PDE7B: variants seen among roughly 807,000 people sequenced by gnomAD.
The protein encoded by PDE7B is 3',5'-cyclic-AMP phosphodiesterase 7B.
A neutral mutation model predicts 56.2 loss-of-function variants in PDE7B; 29 were observed. That is an observed-to-expected ratio of 0.52 (90% CI 0.38 to 0.70). PDE7B has a LOEUF of 0.70. PDE7B is among the 30% of genes least tolerant of loss of function. The pLI is 0.00. For missense variants in PDE7B, 490 were observed against 565.0 expected (o/e 0.87, Z 1.35); for synonymous variants, 197 against 196.9 (o/e 1.00, Z 0.00).
Position 136,154,085 on chromosome 6 carries a change from A to G in PDE7B, c.489A>G (p.Gln163=). 4 of 1,613,080 alleles carry G rather than the reference A, an allele frequency of 2.5e-6. No individual in the cohort carries two copies. The highest frequency in any genetic ancestry group is 3.4e-6 in the Non-Finnish European group (4 of 1,179,112). The change falls in exon 7 of 13, where the codon CAA becomes CAG. Residue 163 remains glutamine, a synonymous_variant. Coordinates refer to ENST00000308191, the MANE Select transcript of PDE7B (RefSeq NM_018945.4). ...VTLHRFLVMV[Q]EDYHSQNPYH... ...CTGTTTACCTCCCAGTCATGGTTCA[A>G]GAAGATTACCACAGCCAAAACCCGT...
At chr6:136,089,425 C>T (rs7770239) in intron 2 of PDE7B, among the ~76,000 whole-genome samples, 13,707 of 152,192 alleles carry the variant, frequency 0.09, 1,568 homozygotes, top group African/African-American at 0.27. Context: ...CAAACAAGTG[C>T]TTCTACCTCC....
intron 2 of PDE7B, among the ~76,000 whole-genome samples, chr6:136,087,655 T>G (rs755487862): frequency 1.1e-4 from 16 of 152,224 alleles, no homozygotes; most frequent in Non-Finnish European, 1.8e-4. Context: ...CTTTTCAGTA[T>G]GCTAAGGCAT....
intron 1 of PDE7B, among the ~76,000 whole-genome samples, chr6:135,890,945 G>A (rs1239203475): frequency 6.6e-6 from 1 of 152,138 alleles, no homozygotes; most frequent in East Asian, 1.9e-4. Flanking sequence ...TAAAAGAAAG[G>A]CATATTTTCT....
chr6:135,883,306 A>G (rs1775643743), intron 1 of PDE7B, among the ~76,000 whole-genome samples: 1 of 152,170 alleles, frequency 6.6e-6, no homozygotes, highest in South Asian at 2.1e-4. Flanking sequence ...CCCTCATGAG[A>G]AGGCCTTCAA....
At chr6:136,141,600 C>T (rs533693186) in intron 3 of PDE7B, among the ~76,000 whole-genome samples, 1 of 152,208 alleles carries the variant, frequency 6.6e-6, no homozygotes, top group East Asian at 1.9e-4. Context: ...TGGTCCTGGA[C>T]TTTTTTTGGT....
intron 1 of PDE7B, among the ~76,000 whole-genome samples, chr6:135,860,458 G>A (rs1775124344): frequency 6.6e-6 from 1 of 151,980 alleles, no homozygotes; most frequent in Non-Finnish European, 1.5e-5. Flanking sequence ...TTGATTAAAT[G>A]GATTAATCTG....
chr6:136,164,357 C>G (rs530989774), intron 8 of PDE7B, among the ~76,000 whole-genome samples: 1 of 152,096 alleles, frequency 6.6e-6, no homozygotes. Flanking sequence ...TACCTCTCAC[C>G]GGGTCCCTCC....
intron 3 of PDE7B, among the ~76,000 whole-genome samples, chr6:136,138,243 C>T (rs1193685080): frequency 6.6e-6 from 1 of 152,048 alleles, no homozygotes; most frequent in Non-Finnish European, 1.5e-5. Flanking sequence ...CATATCAATA[C>T]ATTATCAAAG....
At chr6:135,946,289 ATATG>A (rs1316417745) in intron 1 of PDE7B, among the ~76,000 whole-genome samples, 1 of 151,374 alleles carries the variant, frequency 6.6e-6, no homozygotes, top group Non-Finnish European at 1.5e-5. Context: ...TATTATATAT[ATATG>A]TTTTACAGTA....
chr6:136,165,388 T>C (rs1486968327), intron 8 of PDE7B: 1 of 152,162 alleles, frequency 6.6e-6, no homozygotes, highest in East Asian at 1.9e-4. Flanking sequence ...CAAGCCTTAT[T>C]ATAAATCAAG....
chr6:136,052,468 C>T (rs1776646532), intron 2 of PDE7B, among the ~76,000 whole-genome samples: 2 of 152,072 alleles, frequency 1.3e-5, no homozygotes, highest in African/African-American at 2.4e-5. Flanking sequence ...TTTGCAGGCT[C>T]TTGTAGTGAA....
intron 2 of PDE7B, among the ~76,000 whole-genome samples, chr6:135,998,061 C>T (rs1481769941): frequency 6.6e-6 from 1 of 152,102 alleles, no homozygotes; most frequent in South Asian, 2.1e-4. Flanking sequence ...AGAATATGGC[C>T]ATTTTACCTT....
At chr6:136,070,059 TGCAGGGAACTGATCAGTTGAATA>T (rs1344481433) in intron 2 of PDE7B, among the ~76,000 whole-genome samples, 1 of 151,956 alleles carries the variant, frequency 6.6e-6, no homozygotes. Flanking sequence ...CATATTAAGT[TGCAGGGAACTGATCAGTTGAATA>T]GCTCAACTCA....
chr6:136,028,693 C>T (rs982662049), intron 2 of PDE7B, among the ~76,000 whole-genome samples: 15 of 152,228 alleles, frequency 9.9e-5, no homozygotes, highest in Admixed American at 2.0e-4. Context: ...ATCACTCTGA[C>T]GCTGACTCTT....
intron 2 of PDE7B, among the ~76,000 whole-genome samples, chr6:136,100,258 C>G (rs1479020458): frequency 6.6e-6 from 1 of 152,178 alleles, no homozygotes; most frequent in Admixed American, 6.5e-5. Context: ...GCTATGCAGG[C>G]TCCTTGTTGG....
intron 2 of PDE7B, among the ~76,000 whole-genome samples, chr6:136,100,949 A>T (rs1000036329): frequency 1.3e-5 from 2 of 152,150 alleles, no homozygotes; most frequent in East Asian, 3.9e-4. Flanking sequence ...CCATCAATAC[A>T]TAGTTTATTG....
Position 136,018,816 on chromosome 6 carries a change from G to C in PDE7B, c.82+71292G>C, listed in dbSNP as rs533984476. Among the ~76,000 whole-genome samples, 8 of 152,048 alleles carry C rather than the reference G, an allele frequency of 5.3e-5. No homozygotes were observed. In the South Asian group the frequency reaches 1.7e-3, roughly 32 times the overall value. On this transcript the variant is annotated intron_variant, in intron 2 of 12. Coordinates refer to ENST00000308191, the MANE Select transcript of PDE7B (RefSeq NM_018945.4). The stretch of plus-strand genomic sequence containing the variant: ...CATATACGTGTGTGTGTTTGTGTGT[G>C]TGTCAAAAGCCAAATCCTTATTTCA...
chr6:135,855,290 T>C (rs1775004904), intron 1 of PDE7B, among the ~76,000 whole-genome samples: 1 of 152,212 alleles, frequency 6.6e-6, no homozygotes. Context: ...TTTCAGGATG[T>C]CAAGGGCTGT....
intron 2 of PDE7B, among the ~76,000 whole-genome samples, chr6:136,095,550 T>C (rs1032068447): frequency 1.3e-5 from 2 of 152,312 alleles, no homozygotes; most frequent in Admixed American, 1.3e-4. Flanking sequence ...ACAGAGGGAA[T>C]GGATCACTTT....
Sources: gnomAD v4.1 joint callset for allele counts (sites outside exome capture counted in the v4.1 genomes callset) on GRCh38, gnomAD v4.1.1 for gene constraint, MANE v1.5 for transcripts, NCBI Gene and HGNC (gene_info 2026-07-23, HGNC 2026-07-21) for gene names.